Variants in RNF150 observed in about 807,000 individuals in gnomAD.
RNF150 encodes ring finger protein 150.
In RNF150, 24 loss-of-function variants were observed where a neutral mutation model predicts 39.3. The ratio of observed to expected loss-of-function variants is 0.61; its 90% confidence interval spans 0.44 to 0.86. RNF150 has a LOEUF of 0.86. RNF150 is among the 40% of genes least tolerant of loss of function. The pLI, the probability that RNF150 is intolerant of heterozygous loss-of-function variation, is 0.00. For missense variants in RNF150, 502 were observed against 587.8 expected (o/e 0.85, Z 1.51); for synonymous variants, 255 against 227.3 (o/e 1.12, Z -1.10).
chr4:140,905,638 G>C (rs1730344215), intron 6 of RNF150, among the ~76,000 whole-genome samples: 1 of 152,158 alleles, frequency 6.6e-6, no homozygotes. Flanking sequence ...AAGGGGTGGA[G>C]AAAGGCACCT....
intron 1 of RNF150, among the ~76,000 whole-genome samples, chr4:141,049,215 C>T (rs1346706763): frequency 6.6e-6 from 1 of 150,870 alleles, no homozygotes; most frequent in Admixed American, 6.6e-5. Context: ...TTAGAAATGG[C>T]AATTGGAAAG....
intron 4 of RNF150, chr4:140,944,834 C>T (rs1232929444): frequency 6.6e-6 from 1 of 152,026 alleles, no homozygotes; most frequent in Admixed American, 6.6e-5. Flanking sequence ...GAAAGAGAGT[C>T]TATGAAGTTC....
intron 4 of RNF150, among the ~76,000 whole-genome samples, chr4:140,935,028 T>A (rs868257147): frequency 1.2e-3 from 121 of 98,510 alleles, no homozygotes; most frequent in African/African-American, 3.0e-3. Flanking sequence ...TATTATATAT[T>A]TATAATATAT....
chr4:141,045,496 CT>C (rs1736539813), intron 1 of RNF150, among the ~76,000 whole-genome samples: 2 of 151,850 alleles, frequency 1.3e-5, no homozygotes, highest in Non-Finnish European at 2.9e-5. Context: ...GGAATACATT[CT>C]TTTTTTATAT....
intron 2 of RNF150, among the ~76,000 whole-genome samples, chr4:140,964,815 T>G (rs1177314043): frequency 1.3e-5 from 2 of 152,074 alleles, no homozygotes; most frequent in African/African-American, 4.8e-5. Context: ...GACATTATAA[T>G]TCTAGAGTAC....
chr4:140,888,902 T>C (rs1038027407), intron 6 of RNF150, among the ~76,000 whole-genome samples: 2 of 152,236 alleles, frequency 1.3e-5, no homozygotes. Flanking sequence ...GCTATTTAGT[T>C]GTTCATGATT....
chr4:140,871,529 C>T (rs1017775063), intron 6 of RNF150, among the ~76,000 whole-genome samples: 2 of 151,980 alleles, frequency 1.3e-5, no homozygotes, highest in Non-Finnish European at 2.9e-5. Context: ...TGCAGTGGCC[C>T]ATCAATCAAC....
chr4:140,890,885 A>G (rs1163025865), intron 6 of RNF150, among the ~76,000 whole-genome samples: 1 of 152,236 alleles, frequency 6.6e-6, no homozygotes, highest in Middle Eastern at 3.2e-3. Context: ...TCTCCTAGGA[A>G]GGGACCTTTT....
At chr4:140,899,974 C>CTCTCTCTCTCTCTCTGTGTGTGTGTG (rs1365683071) in intron 6 of RNF150, among the ~76,000 whole-genome samples, 1 of 69,220 alleles carries the variant, frequency 1.4e-5, no homozygotes, top group African/African-American at 4.3e-5. Flanking sequence ...CTCTCTCTCT[C>CTCTCTCTCTCTCTCTGTGTGTGTGTG]TGTGTGTGTG....
chr4:140,887,658 C>T (rs1169379225), intron 6 of RNF150, among the ~76,000 whole-genome samples: 2 of 152,038 alleles, frequency 1.3e-5, no homozygotes, highest in African/African-American at 4.8e-5. Flanking sequence ...CAAAATAGCA[C>T]AACACTAGAG....
intron 1 of RNF150, among the ~76,000 whole-genome samples, chr4:141,142,370 A>C (rs1727131157): frequency 1.3e-5 from 2 of 152,008 alleles, no homozygotes; most frequent in Non-Finnish European, 2.9e-5. Flanking sequence ...CCTTACCATG[A>C]TCTCCTCCCT....
chr4:141,145,106 TA>T (rs757097276), intron 1 of RNF150, among the ~76,000 whole-genome samples: 1 of 152,108 alleles, frequency 6.6e-6, no homozygotes, highest in African/African-American at 2.4e-5. Context: ...AAATGAGGAT[TA>T]AAAAAATATT....
At chr4:141,184,015 A>G (rs1053499436) in intron 1 of RNF150, among the ~76,000 whole-genome samples, 6 of 152,202 alleles carry the variant, frequency 3.9e-5, no homozygotes, top group African/African-American at 7.2e-5. Flanking sequence ...TCCTTTGGGT[A>G]TATACCCAGT....
intron 1 of RNF150, among the ~76,000 whole-genome samples, chr4:141,005,545 A>G (rs915389630): frequency 6.6e-6 from 1 of 152,138 alleles, no homozygotes; most frequent in African/African-American, 2.4e-5. Flanking sequence ...AGGGACCAGA[A>G]CTGTAGGATA....
intron 1 of RNF150, among the ~76,000 whole-genome samples, chr4:141,004,249 A>G (rs73860217): frequency 0.076 from 11,427 of 151,250 alleles, 489 homozygotes; most frequent in Middle Eastern, 0.17. Context: ...AAAAAACTCC[A>G]CCAATAAATG....
intron 1 of RNF150, among the ~76,000 whole-genome samples, chr4:141,148,718 G>A (rs1727244008): frequency 6.6e-6 from 1 of 152,194 alleles, no homozygotes; most frequent in Non-Finnish European, 1.5e-5. Flanking sequence ...TAGGATTACA[G>A]GCGTGCACCA....
At chr4:141,112,204 T>C (rs1391705458) in intron 1 of RNF150, among the ~76,000 whole-genome samples, 1 of 152,198 alleles carries the variant, frequency 6.6e-6, no homozygotes, top group East Asian at 1.9e-4. Context: ...TGTCTTTTAA[T>C]TGGGGCATTT....
intron 1 of RNF150, among the ~76,000 whole-genome samples, chr4:141,082,544 C>T (rs1363257399): frequency 6.6e-6 from 1 of 152,144 alleles, no homozygotes; most frequent in East Asian, 1.9e-4. Flanking sequence ...GAAACATAGC[C>T]TAATATAGCA....
chr4:141,147,262 A>T (rs1233490202), intron 1 of RNF150, among the ~76,000 whole-genome samples: 23 of 152,240 alleles, frequency 1.5e-4, no homozygotes, highest in Non-Finnish European at 3.2e-4. Flanking sequence ...TATTGTTCAT[A>T]TGTAGTCCAG....
Sources: gnomAD v4.1 joint callset for allele counts (sites outside exome capture counted in the v4.1 genomes callset) on GRCh38, gnomAD v4.1.1 for gene constraint, MANE v1.5 for transcripts, NCBI Gene and HGNC (gene_info 2026-07-23, HGNC 2026-07-21) for gene names.